MED13L: variants seen among roughly 807,000 people sequenced by gnomAD.
MED13L encodes mediator complex subunit 13L.
In MED13L, 7 loss-of-function variants were observed where a neutral mutation model predicts 220.9. The ratio of observed to expected loss-of-function variants is 0.03; its 90% CI spans 0.02 to 0.06. The LOEUF is 0.06. MED13L is among the 10% of genes least tolerant of loss of function. The pLI is 1.00. For synonymous variants in MED13L, 1,011 were observed against 1,015.2 expected, an observed-to-expected ratio of 1.00 and a Z score of 0.08; for missense variants, 1,965 against 2,760.5, an observed-to-expected ratio of 0.71 and a Z score of 6.46.
chr12:116,168,079 T>C (rs1879410026), intron 2 of MED13L, among the ~76,000 whole-genome samples: 1 of 152,138 alleles, frequency 6.6e-6, no homozygotes, highest in Non-Finnish European at 1.5e-5. Context: ...GCCACATGTG[T>C]CAATCCTATC....
At chr12:116,103,179 A>G (rs1873238215) in intron 3 of MED13L, among the ~76,000 whole-genome samples, 1 of 152,120 alleles carries the variant, frequency 6.6e-6, no homozygotes, top group African/African-American at 2.4e-5. Flanking sequence ...TGTAATTCCA[A>G]AAGCTTTATC....
intron 10 of MED13L, 109 bp from the exon 11 acceptor site, chr12:116,007,745 C>T: frequency 1.1e-6 from 1 of 882,044 alleles, no homozygotes; most frequent in South Asian, 1.6e-5. Flanking sequence ...TAGTGATTTG[C>T]TTTTACAGTT....
At chr12:116,176,876 CAAAAAAAAAAAA>C (rs11285058) in intron 2 of MED13L, among the ~76,000 whole-genome samples, 55 of 74,236 alleles carry the variant, frequency 7.4e-4, no homozygotes, top group African/African-American at 2.7e-3. Flanking sequence ...AGAACTCAGC[CAAAAAAAAAAAA>C]AAAAAAAAAG....
intron 30 of MED13L, among the ~76,000 whole-genome samples, 155 bp downstream of exon 30, chr12:115,963,252 G>A (rs1875898182): frequency 6.6e-6 from 1 of 152,158 alleles, no homozygotes; most frequent in South Asian, 2.1e-4. Flanking sequence ...GCAGCTATGA[G>A]GGACTGCAGC....
At chr12:116,160,326 T>C (rs1346698261) in intron 2 of MED13L, among the ~76,000 whole-genome samples, 1 of 152,196 alleles carries the variant, frequency 6.6e-6, no homozygotes, top group Non-Finnish European at 1.5e-5. Flanking sequence ...GTTTGCAACA[T>C]ACATTTCAAC....
chr12:116,033,937 C>T (rs1307811863), intron 4 of MED13L, among the ~76,000 whole-genome samples: 1 of 152,152 alleles, frequency 6.6e-6, no homozygotes, highest in African/African-American at 2.4e-5. Flanking sequence ...ACTCCATGAG[C>T]TACTTCTCCA....
chr12:116,270,675 G>A (rs908643049), intron 1 of MED13L, among the ~76,000 whole-genome samples: 8 of 152,070 alleles, frequency 5.3e-5, no homozygotes, highest in African/African-American at 1.9e-4. Context: ...ATGTAATGAA[G>A]TGAATTCCCC....
At chr12:115,966,547 G>A (rs150095297) in intron 28 of MED13L, among the ~76,000 whole-genome samples, 1 of 152,300 alleles carries the variant, frequency 6.6e-6, no homozygotes, top group East Asian at 1.9e-4. Context: ...AAAATGGAAA[G>A]ATTACAATCT....
In MED13L at chr12:115,997,725, T is replaced by A. The variant is rs565304487; in HGVS notation, c.2570-495A>T. On this transcript the variant is annotated intron_variant, in intron 14 of 30. Transcript: ENST00000281928. ...GTGTGAGCCACTGTGCCTGGACTTT[T>A]CTTGGTCTTTATCACTAACTTCTTG... 3.3e-5 allele frequency among the ~76,000 whole-genome samples: 5 copies of A among 152,328 alleles called. No homozygotes were observed. The East Asian group carries it at 9.6e-4, about 29-fold the overall frequency.
chr12:116,182,166 A>G (rs541692605), intron 2 of MED13L, among the ~76,000 whole-genome samples: 1 of 151,950 alleles, frequency 6.6e-6, no homozygotes, highest in East Asian at 1.9e-4. Context: ...TCTAAATCCA[A>G]CTCACAACCT....
intron 5 of MED13L, among the ~76,000 whole-genome samples, chr12:116,021,477 T>C (rs1880056445): frequency 6.6e-6 from 1 of 152,182 alleles, no homozygotes; most frequent in African/African-American, 2.4e-5. Flanking sequence ...AGTTTAAGAA[T>C]TGGGTTTTGA....
chr12:116,267,054 G>A (rs190464157), intron 1 of MED13L, among the ~76,000 whole-genome samples: 1 of 152,140 alleles, frequency 6.6e-6, no homozygotes, highest in Admixed American at 6.5e-5. Context: ...CATTCCCTGA[G>A]ACAAATCTCA....
intron 22 of MED13L, 71 bp downstream of exon 22, chr12:115,982,313 G>C (rs1227477970): frequency 6.9e-7 from 1 of 1,446,544 alleles, no homozygotes; most frequent in South Asian, 1.2e-5. Context: ...AAAAATCATA[G>C]GCCTGTATTT....
rs1464925992 is a variant in MED13L, at chr12:116,002,928, C to A, written c.2569+75G>T. The stretch of plus-strand genomic sequence containing the variant: ...GGAAATTTCAGATAAAGATAAAGCA[C>A]CACTAAGTATGAGAATATTATATCT... On this transcript the variant is annotated intron_variant, in intron 14 of 30. Coordinates refer to ENST00000281928, the MANE Select transcript of MED13L (RefSeq NM_015335.5). 2.3e-5 allele frequency: 27 copies of A among 1,163,194 alleles called. No homozygotes were observed. In the East Asian group the frequency reaches 6.3e-4, roughly 27 times the overall value. The allele number at this position is 1,163,194 out of a possible 1,614,324, so 72.1% of individuals were successfully genotyped here. A position where few individuals can be genotyped will look rare whatever the true frequency, so the allele number is the denominator to read the frequency against.
chr12:115,986,521 A>G (rs774210043), intron 18 of MED13L, 32 bp from the exon 19 acceptor site: 39 of 1,601,932 alleles, frequency 2.4e-5, no homozygotes, highest in Non-Finnish European at 3.2e-5. Flanking sequence ...GAAAGGTGCT[A>G]GAGAGTTTTT....
intron 2 of MED13L, among the ~76,000 whole-genome samples, chr12:116,227,158 C>T (rs751552778): frequency 3.9e-5 from 6 of 152,074 alleles, no homozygotes; most frequent in Non-Finnish European, 7.4e-5. Flanking sequence ...ATCCAGAGAC[C>T]ATAAAACAAC....
chr12:116,223,134 A>G (rs183835190), intron 2 of MED13L, among the ~76,000 whole-genome samples: 189 of 152,334 alleles, frequency 1.2e-3, no homozygotes, highest in African/African-American at 4.5e-3. Context: ...CTGGAAATTT[A>G]TAACTTACAT....
chr12:116,223,971 T>G (rs1868699335), intron 2 of MED13L, among the ~76,000 whole-genome samples: 1 of 152,224 alleles, frequency 6.6e-6, no homozygotes, highest in Admixed American at 6.5e-5. Flanking sequence ...ATCTGCTCAC[T>G]GGTTTATTCA....
At chr12:116,010,788 T>C (rs919198005) in intron 9 of MED13L, among the ~76,000 whole-genome samples, 4 of 152,076 alleles carry the variant, frequency 2.6e-5, no homozygotes, top group African/African-American at 7.2e-5. Flanking sequence ...ATCTAACAAG[T>C]CTGTAGGCTG....
Sources: allele counts gnomAD v4.1 joint callset (sites outside exome capture counted in the v4.1 genomes callset), GRCh38; gene constraint gnomAD v4.1.1; transcripts MANE v1.5; gene names NCBI Gene and HGNC (gene_info 2026-07-23, HGNC 2026-07-21).